Variants in MAP2K2 observed in about 807,000 individuals in gnomAD.
MAP2K2 encodes the protein dual specificity mitogen-activated protein kinase kinase 2.
In MAP2K2, 24 loss-of-function variants were observed where a neutral mutation model predicts 43.7. The ratio of observed to expected loss-of-function variants is 0.55; its 90% confidence interval spans 0.40 to 0.77. The LOEUF is 0.77. Ranked by LOEUF, MAP2K2 falls within the 30% of genes least tolerant of loss-of-function variation. The probability of loss-of-function intolerance (pLI) is 0.00; values close to 1 mark genes in which losing one functional copy is unlikely to be tolerated. For synonymous variants in MAP2K2, 244 were observed against 239.7 expected (o/e 1.02, Z -0.17); for missense variants, 470 against 566.8 (o/e 0.83, Z 1.73).
At chr19:4,104,213 C>T (rs1314958623) in intron 3 of MAP2K2, among the ~76,000 whole-genome samples, 6 of 143,646 alleles carry the variant, frequency 4.2e-5, no homozygotes, top group Admixed American at 2.8e-4. Flanking sequence ...TGCTGTGAGT[C>T]GAGATCGTGC....
At chr19:4,090,764 A>C in intron 10 of MAP2K2, 56 bp from the exon 11 acceptor site, 1 of 1,204,978 alleles carries the variant, frequency 8.3e-7, no homozygotes, top group East Asian at 2.5e-5. Context: ...TAGGACGGGG[A>C]GGGCCAGCGT....
intron 6 of MAP2K2, chr19:4,099,805 T>G: frequency 3.4e-6 from 1 of 297,406 alleles, no homozygotes; most frequent in Middle Eastern, 1.0e-3. Flanking sequence ...CAGATTCCAA[T>G]TCCTTGGTCC....
chr19:4,103,164 C>G, intron 3 of MAP2K2: 4 of 991,782 alleles, frequency 4.0e-6, no homozygotes, highest in Non-Finnish European at 4.8e-6. Flanking sequence ...TCGGCCCCTC[C>G]CCACAGCCTG....
At chr19:4,102,746 C>T in intron 3 of MAP2K2, 1 of 1,301,262 alleles carries the variant, frequency 7.7e-7, no homozygotes, top group Non-Finnish European at 9.9e-7. Context: ...GGCAGAGGCT[C>T]TGCTCCGGGC....
chr19:4,097,872 CTGGGGCCCT>C (rs1171418183), intron 7 of MAP2K2, among the ~76,000 whole-genome samples: 1 of 47,802 alleles, frequency 2.1e-5, no homozygotes, highest in African/African-American at 5.0e-5. Context: ...GGCAGGTGGG[CTGGGGCCCT>C]GGGCTGGGGA....
At chr19:4,102,652 G>T in intron 3 of MAP2K2, 199 bp from the exon 4 acceptor site, 1 of 961,424 alleles carries the variant, frequency 1.0e-6, no homozygotes, top group African/African-American at 1.6e-5. Context: ...CCACAAGGTG[G>T]GGAAGGAACA....
chr19:4,094,804 C>A (rs890030557), intron 9 of MAP2K2: 2 of 473,208 alleles, frequency 4.2e-6, no homozygotes, highest in Non-Finnish European at 7.7e-6. Flanking sequence ...TCTAATAAAA[C>A]CCCAGGCCCG....
In MAP2K2 at chr19:4,099,345, C is replaced by G. The variant is rs1038040308; in HGVS notation, c.775G>C (p.Glu259Gln). 1.9e-6 allele frequency: 3 copies of G among 1,611,616 alleles called. No individual in the cohort carries two copies. Among genetic ancestry groups the G allele is most frequent in the Non-Finnish European group, 2.5e-6 (3 of 1,179,282 alleles). The change falls in exon 7 of 11, where the codon GAG becomes CAG. Residue 259 changes from glutamate to glutamine, a missense_variant. This residue lies in a region of MAP2K2 where 212 missense variants were observed against 220.8 expected (regional missense o/e 0.96). Transcript: ENST00000262948. ...ATGGGGTACCTTCCGACGGCCAGCT[C>G]CACCAGGGACAGGCCCATGCTCCAG... is the stretch of plus-strand genomic sequence containing the variant. ...DIWSMGLSLV[E>Q]LAVGRYPIPP...
chr19:4,106,378 A>G (rs1280441173), intron 3 of MAP2K2, among the ~76,000 whole-genome samples: 1 of 152,158 alleles, frequency 6.6e-6, no homozygotes, highest in Non-Finnish European at 1.5e-5. Context: ...TGAAAATACA[A>G]TAAACAAATG....
At chr19:4,102,956 A>C (rs1008861271) in intron 3 of MAP2K2, 7 of 1,099,224 alleles carry the variant, frequency 6.4e-6, no homozygotes, top group South Asian at 2.4e-5. Context: ...GCGTGGGAGG[A>C]GGCGGCGGGT....
intron 8 of MAP2K2, 67 bp from the exon 9 acceptor site, chr19:4,095,516 T>A: frequency 3.0e-6 from 4 of 1,354,064 alleles, no homozygotes; most frequent in Non-Finnish European, 4.1e-6. Flanking sequence ...TGCAGCCCTC[T>A]CTACCCCTCA....
rs1337888081 is a variant in MAP2K2 at position 4,111,560 on chromosome 19, TCC to T, written c.304-907_304-906del. Among the ~76,000 whole-genome samples the T allele has an allele frequency of 2.6e-5, 4 of 152,208 alleles. No homozygotes were observed. In the South Asian group the frequency reaches 8.3e-4, roughly 32 times the overall value. ...GAGCCGCGGGCGCCCCTGAGAATTC[TCC>T]CTCTCCTTCAACCCAAGTTCAAGAC... On this transcript the variant is annotated intron_variant, in intron 2 of 10. Transcript: ENST00000262948.
chr19:4,096,731 G>A (rs1184718685), intron 8 of MAP2K2, among the ~76,000 whole-genome samples: 3 of 152,162 alleles, frequency 2.0e-5, no homozygotes, highest in African/African-American at 4.8e-5. Context: ...GCGCCAGGAC[G>A]CTCTGATGCA....
Position 4,101,100 on chromosome 19 carries a change from G to C in MAP2K2, c.624C>G (p.Ile208Met), listed in dbSNP as rs1358415766. The change falls in exon 6 of 11, where the codon ATC becomes ATG. Residue 208 changes from isoleucine to methionine, a missense_variant. Physicochemically the swap from Ile to Met is conservative, Grantham distance 10. Coordinates refer to ENST00000262948, the MANE Select transcript of MAP2K2 (RefSeq NM_030662.4). This position sits in a 1 kb window ranked among gnomAD's most constrained non-coding sequence, Gnocchi z 6.3. ...SNILVNSRGE[I>M]KLCDFGVSGQ... ...CGCTCACCCCGAAGTCACACAGCTT[G>C]ATCTCCCCTCTAGAGTTCACGAGGA... The C allele has an allele frequency of 6.2e-7, 1 of 1,605,864 alleles. No homozygotes were observed. The highest frequency in any genetic ancestry group is 1.3e-5 in the African/African-American group (1 of 74,644).
rs541622470 is a variant in MAP2K2 at position 4,121,923 on chromosome 19, G to C, written c.92+1861C>G. 4.3e-5 allele frequency among the ~76,000 whole-genome samples: 5 copies of C among 115,828 alleles called. No individual in the cohort carries two copies. In the East Asian group the frequency reaches 1.1e-3, roughly 25 times the overall value. 76.0% of individuals were successfully genotyped at this position (115,828 alleles called of 152,430 possible). On this transcript the variant is annotated intron_variant, in intron 1 of 10. Transcript: ENST00000262948. ...CTCCCACATCCTGACCCTTCTGGGA[G>C]CCCCCTGTCCTCCCCTCTCTTCCCT... is the stretch of plus-strand genomic sequence containing the variant.
intron 3 of MAP2K2, chr19:4,102,885 C>G: frequency 8.6e-7 from 1 of 1,162,910 alleles, no homozygotes; most frequent in Non-Finnish European, 1.1e-6. Flanking sequence ...CCTGCGTCCT[C>G]TTCCCAGCAC....
chr19:4,090,860 A>G (rs1056462897), intron 10 of MAP2K2, 152 bp from the exon 11 acceptor site: 3 of 705,276 alleles, frequency 4.3e-6, no homozygotes, highest in Non-Finnish European at 7.9e-6. Context: ...CACTCGGGGT[A>G]GGAGAGGGAA....
chr19:4,116,362 T>A (rs574663998), intron 2 of MAP2K2, among the ~76,000 whole-genome samples: 1 of 151,300 alleles, frequency 6.6e-6, no homozygotes, highest in South Asian at 2.1e-4. Context: ...GAACCCCATC[T>A]CTACTAAAAA....
intron 10 of MAP2K2, among the ~76,000 whole-genome samples, chr19:4,091,655 A>C (rs1003444575): frequency 6.9e-6 from 1 of 143,942 alleles, no homozygotes; most frequent in Non-Finnish European, 1.5e-5. Flanking sequence ...AACTGGCCTT[A>C]ATTTTTATTT....
Sources: allele counts gnomAD v4.1 joint callset (sites outside exome capture counted in the v4.1 genomes callset), GRCh38; gene constraint gnomAD v4.1.1; regional missense constraint gnomAD v4.1.1; non-coding constraint Gnocchi (gnomAD v3.1); transcripts MANE v1.5; gene names NCBI Gene and HGNC (gene_info 2026-07-23, HGNC 2026-07-21).